The following TYW1B variants were observed in gnomAD, a reference collection of about 807,000 sequenced individuals.
The protein encoded by TYW1B is tRNA-yW synthesizing protein 1 homolog B.
TYW1B carries 73 observed loss-of-function variants against 86.9 expected under a neutral mutation model. The ratio of observed to expected loss-of-function variants is 0.84; its 90% confidence interval spans 0.70 to 1.02. TYW1B has a LOEUF of 1.02. Ranked by LOEUF, TYW1B falls within the 50% of genes least tolerant of loss-of-function variation. The pLI, the probability that TYW1B is intolerant of heterozygous loss-of-function variation, is 0.00. For missense variants in TYW1B, 637 were observed against 827.4 expected (o/e 0.77, Z 2.82); for synonymous variants, 248 against 292.8 (o/e 0.85, Z 1.56).
At chr7:72,599,787 A>G (rs1351953413) in intron 13 of TYW1B, among the ~76,000 whole-genome samples, 1 of 152,218 alleles carries the variant, frequency 6.6e-6, no homozygotes, top group East Asian at 1.9e-4. Flanking sequence ...TCATGTTTAC[A>G]TTAGCATCAA....
At chr7:72,645,743 C>T (rs1431107948) in intron 11 of TYW1B, among the ~76,000 whole-genome samples, 1 of 152,004 alleles carries the variant, frequency 6.6e-6, no homozygotes, top group South Asian at 2.1e-4. Context: ...TGTTAGCAAT[C>T]AAAATAGCAA....
chr7:72,618,655 TA>T (rs1246121699), intron 12 of TYW1B, among the ~76,000 whole-genome samples: 1 of 152,190 alleles, frequency 6.6e-6, no homozygotes, highest in South Asian at 2.1e-4. Context: ...ACTGGTGCAC[TA>T]AACTGTGATG....
chr7:72,617,577 G>A (rs1227858137), intron 12 of TYW1B, among the ~76,000 whole-genome samples: 1 of 152,136 alleles, frequency 6.6e-6, no homozygotes, highest in African/African-American at 2.4e-5. Context: ...ATGTTGACCA[G>A]GCTGGTCTTG....
chr7:72,578,546 G>A (rs1317052829), intron 13 of TYW1B, among the ~76,000 whole-genome samples: 2 of 152,270 alleles, frequency 1.3e-5, no homozygotes, highest in East Asian at 3.9e-4. Flanking sequence ...GCTTCACTGT[G>A]TATTCATGAC....
At chr7:72,737,089 A>G (rs1348487326) in intron 8 of TYW1B, among the ~76,000 whole-genome samples, 2 of 152,212 alleles carry the variant, frequency 1.3e-5, no homozygotes, top group African/African-American at 4.8e-5. Context: ...TAAGCCTTAC[A>G]GCAACCCTGT....
chr7:72,609,350 G>C (rs1206240266), intron 13 of TYW1B, among the ~76,000 whole-genome samples: 1 of 152,126 alleles, frequency 6.6e-6, no homozygotes, highest in African/African-American at 2.4e-5. Context: ...CTTGAGCCCA[G>C]GAGTTTGACA....
chr7:72,745,504 C>G (rs1391556450), intron 7 of TYW1B, among the ~76,000 whole-genome samples: 1 of 151,950 alleles, frequency 6.6e-6, no homozygotes, highest in East Asian at 1.9e-4. Context: ...TCTAGATCAA[C>G]TAGGGATGGA....
At chr7:72,680,893 T>A (rs556595528) in intron 11 of TYW1B, among the ~76,000 whole-genome samples, 1 of 152,326 alleles carries the variant, frequency 6.6e-6, no homozygotes, top group South Asian at 2.1e-4. Context: ...GTTACAGTGG[T>A]ACTTACTATC....
chr7:72,799,527 G>A (rs1334635119), intron 6 of TYW1B, among the ~76,000 whole-genome samples: 1 of 149,632 alleles, frequency 6.7e-6, no homozygotes, highest in East Asian at 2.0e-4. Context: ...GTGCAGTGGC[G>A]CGATCTCGGC....
chr7:72,663,628 G>T (rs1813388215), intron 11 of TYW1B, among the ~76,000 whole-genome samples: 1 of 151,534 alleles, frequency 6.6e-6, no homozygotes, highest in African/African-American at 2.4e-5. Context: ...GCCGGGCGTG[G>T]TGGCAGGCGC....
intron 4 of TYW1B, among the ~76,000 whole-genome samples, chr7:72,809,529 T>G (rs572218461): frequency 1.3e-5 from 2 of 152,090 alleles, no homozygotes; most frequent in Non-Finnish European, 2.9e-5. Flanking sequence ...GGTGCACGCC[T>G]ATAGTTCCAG....
chr7:72,632,400 A>ATATATACGT (rs1363543994), intron 11 of TYW1B, among the ~76,000 whole-genome samples: 4 of 81,736 alleles, frequency 4.9e-5, no homozygotes, highest in African/African-American at 3.5e-4. Flanking sequence ...ATATATATAT[A>ATATATACGT]ATATATATAT....
chr7:72,749,073 G>C (rs1439051448), intron 7 of TYW1B, among the ~76,000 whole-genome samples: 1 of 152,062 alleles, frequency 6.6e-6, no homozygotes, highest in Non-Finnish European at 1.5e-5. Context: ...TTTCACTTTG[G>C]GGAGGCTTTT....
intron 6 of TYW1B, among the ~76,000 whole-genome samples, chr7:72,784,486 G>T (rs782045627): frequency 2.0e-5 from 3 of 152,172 alleles, no homozygotes; most frequent in Non-Finnish European, 4.4e-5. Flanking sequence ...TATGTATTTT[G>T]ATTTCTCCTT....
At chr7:72,654,762 T>C (rs1450538635) in intron 11 of TYW1B, among the ~76,000 whole-genome samples, 10 of 152,042 alleles carry the variant, frequency 6.6e-5, no homozygotes, top group Admixed American at 2.6e-4. Flanking sequence ...ACACCTGCAA[T>C]CCCAGCTACT....
At chr7:72,670,977 AAAG>A (rs1554446270) in intron 11 of TYW1B, among the ~76,000 whole-genome samples, 1 of 152,216 alleles carries the variant, frequency 6.6e-6, no homozygotes, top group African/African-American at 2.4e-5. Flanking sequence ...TAAATGTTAA[AAAG>A]AACTAAACTG....
intron 6 of TYW1B, among the ~76,000 whole-genome samples, chr7:72,779,028 GAGATCTGTGTTACA>G (rs1259202744): frequency 6.6e-6 from 1 of 151,894 alleles, no homozygotes; most frequent in Non-Finnish European, 1.5e-5. Context: ...GACAACACAC[GAGATCTGTGTTACA>G]CTTTAGGGGA....
intron 11 of TYW1B, among the ~76,000 whole-genome samples, chr7:72,640,363 C>T (rs1451090379): frequency 2.0e-5 from 3 of 151,616 alleles, no homozygotes; most frequent in East Asian, 1.9e-4. Flanking sequence ...CAGAGACACA[C>T]GAAAGACTAA....
At chr7:72,736,486 A>G (rs546109669) in intron 8 of TYW1B, among the ~76,000 whole-genome samples, 2 of 152,328 alleles carry the variant, frequency 1.3e-5, no homozygotes, top group South Asian at 4.1e-4. Context: ...GTTACTATTT[A>G]TTCTTAATTA....
Sources: gnomAD v4.1 joint callset for allele counts (sites outside exome capture counted in the v4.1 genomes callset) on GRCh38, gnomAD v4.1.1 for gene constraint, MANE v1.5 for transcripts, NCBI Gene and HGNC (gene_info 2026-07-23, HGNC 2026-07-21) for gene names.